Variants in ROBO1 observed in about 807,000 individuals in gnomAD.
The protein encoded by ROBO1 is roundabout homolog 1.
Under a neutral mutation model 195.9 loss-of-function variants are expected in ROBO1, and 149 were observed. The ratio of observed to expected loss-of-function variants is 0.76; its 90% confidence interval spans 0.67 to 0.87. The LOEUF is 0.87. ROBO1 is among the 40% of genes least tolerant of loss of function. The pLI is 0.00. For synonymous variants in ROBO1, 816 were observed against 733.2 expected, an observed-to-expected ratio of 1.11 and a Z score of -1.82; for missense variants, 1,933 against 2,068.3, an observed-to-expected ratio of 0.93 and a Z score of 1.27.
intron 3 of ROBO1, among the ~76,000 whole-genome samples, chr3:78,991,960 G>A (rs150486955): frequency 0.01 from 1,529 of 152,120 alleles, 11 homozygotes; most frequent in Non-Finnish European, 0.017. Context: ...AAAATGCTAT[G>A]AAAAATGAAT....
rs1240652670 is a variant in ROBO1, at chr3:78,597,865, T to TCAA, written c.*1045_*1047dup. On this transcript the variant is annotated 3_prime_UTR_variant, in exon 31 of 31. Coordinates refer to ENST00000464233, the MANE Select transcript of ROBO1 (RefSeq NM_002941.4). ...TAACAAAACAGGTTAAAAACGCTTCTCAACATTTTTTTTTTCAATAAGACA... is the reference window on the plus strand; with the variant it reads ...TAACAAAACAGGTTAAAAACGCTTCTCAACAACATTTTTTTTTTCAATAAGACA... The TCAA allele has an allele frequency of 1.1e-4, 16 of 147,346 alleles. No individual in the cohort carries two copies. The highest frequency in any genetic ancestry group is 3.8e-4 in the African/African-American group (15 of 39,380). The allele number at this position is 147,346 out of a possible 1,614,324, so 9.1% of individuals were successfully genotyped here.
intron 1 of ROBO1, among the ~76,000 whole-genome samples, chr3:79,608,134 A>G (rs1358810835): frequency 6.6e-6 from 1 of 151,992 alleles, no homozygotes; most frequent in Non-Finnish European, 1.5e-5. Context: ...TGTTACATGC[A>G]TGTGCTTACA....
At chr3:79,563,649 T>C (rs2107719114) in intron 2 of ROBO1, among the ~76,000 whole-genome samples, 1 of 152,196 alleles carries the variant, frequency 6.6e-6, no homozygotes, top group African/African-American at 2.4e-5. Flanking sequence ...AACCTAAAGA[T>C]CAGTGGTAGA....
At chr3:78,650,169 T>C (rs1706557392) in intron 19 of ROBO1, among the ~76,000 whole-genome samples, 1 of 152,076 alleles carries the variant, frequency 6.6e-6, no homozygotes, top group South Asian at 2.1e-4. Context: ...AAACCCCTTG[T>C]CTACAATTAT....
intron 2 of ROBO1, among the ~76,000 whole-genome samples, chr3:79,292,571 G>C (rs1328970920): frequency 1.3e-5 from 2 of 152,080 alleles, no homozygotes; most frequent in African/African-American, 4.8e-5. Flanking sequence ...AGTTTATTGA[G>C]GGTTTTTAGC....
At chr3:78,617,254 A>T (rs903039062) in intron 27 of ROBO1, among the ~76,000 whole-genome samples, 6 of 152,182 alleles carry the variant, frequency 3.9e-5, no homozygotes, top group South Asian at 2.1e-4. Flanking sequence ...GTTCTACACA[A>T]AAAATTAGAG....
intron 2 of ROBO1, among the ~76,000 whole-genome samples, chr3:79,276,410 T>G (rs184240236): frequency 6.6e-6 from 1 of 151,838 alleles, no homozygotes; most frequent in Non-Finnish European, 1.5e-5. Context: ...AAACTGAATA[T>G]CCATATGCAG....
chr3:79,518,488 C>A (rs1466444809), intron 2 of ROBO1, among the ~76,000 whole-genome samples: 1 of 152,006 alleles, frequency 6.6e-6, no homozygotes, highest in African/African-American at 2.4e-5. Flanking sequence ...CCTAAAAGGT[C>A]TAGTTTCTCA....
chr3:79,487,640 C>T (rs1055744906), intron 2 of ROBO1, among the ~76,000 whole-genome samples: 4 of 152,120 alleles, frequency 2.6e-5, no homozygotes, highest in African/African-American at 9.7e-5. Context: ...TGTTTAGGTT[C>T]TATGTTATTA....
intron 27 of ROBO1, among the ~76,000 whole-genome samples, chr3:78,617,333 G>A (rs1704167745): frequency 6.6e-6 from 1 of 152,100 alleles, no homozygotes; most frequent in Admixed American, 6.5e-5. Context: ...ATATCAATTT[G>A]TGTAATACGT....
chr3:78,704,857 C>A (rs2081512777), intron 8 of ROBO1, among the ~76,000 whole-genome samples: 1 of 151,990 alleles, frequency 6.6e-6, no homozygotes, highest in Non-Finnish European at 1.5e-5. Context: ...AACAGTCATA[C>A]ATTCACACAG....
intron 2 of ROBO1, among the ~76,000 whole-genome samples, chr3:79,465,080 C>T (rs1937884392): frequency 6.6e-6 from 1 of 152,148 alleles, no homozygotes; most frequent in South Asian, 2.1e-4. Flanking sequence ...TTCTTAATAA[C>T]AGATACATAG....
intron 26 of ROBO1, among the ~76,000 whole-genome samples, chr3:78,623,906 G>C (rs1024201440): frequency 6.6e-6 from 1 of 152,124 alleles, no homozygotes; most frequent in Non-Finnish European, 1.5e-5. Flanking sequence ...AGAATGATAA[G>C]AATCAGAAGT....
chr3:78,935,054 C>T (rs1242707309), intron 4 of ROBO1, among the ~76,000 whole-genome samples: 1 of 151,916 alleles, frequency 6.6e-6, no homozygotes, highest in Non-Finnish European at 1.5e-5. Context: ...GCATAAGTTA[C>T]TAATAATAAC....
chr3:78,654,797 A>G (rs557422848), intron 18 of ROBO1, among the ~76,000 whole-genome samples: 52 of 152,208 alleles, frequency 3.4e-4, no homozygotes, highest in Non-Finnish European at 6.5e-4. Flanking sequence ...AAAATTATAC[A>G]TAGTCATTTT....
chr3:79,767,975 C>A lies in ROBO1; in HGVS notation c.-274G>T, dbSNP rs966237518. Among the ~76,000 whole-genome samples, 1 of 152,136 alleles carries A rather than the reference C, an allele frequency of 6.6e-6. No individual in the cohort carries two copies. Among genetic ancestry groups the A allele is most frequent in the Non-Finnish European group, 1.5e-5 (1 of 68,022 alleles). ...CTTCAGTAGAGAATTCTTTCAAACC[C>A]GTTATCTGTATTACTATTAATGCGC... On this transcript the variant is annotated 5_prime_UTR_variant, in exon 1 of 31. Transcript: ENST00000464233.
At chr3:79,094,921 C>G (rs1244393574) in intron 3 of ROBO1, among the ~76,000 whole-genome samples, 2 of 145,146 alleles carry the variant, frequency 1.4e-5, no homozygotes, top group Admixed American at 1.4e-4. Context: ...TCCCCTCCCT[C>G]CCTCTCTCCC....
Position 79,179,302 on chromosome 3 carries a change from T to C in ROBO1, c.89-53763A>G, listed in dbSNP as rs142386847. Among the ~76,000 whole-genome samples the C allele has an allele frequency of 7.9e-5, 12 of 152,318 alleles. No homozygotes were observed. The East Asian group carries it at 2.3e-3, about 29-fold the overall frequency. On this transcript the variant is annotated intron_variant, in intron 2 of 30. Transcript: ENST00000464233. ...TTTAAAAATAAAAGGAATTCCTTAATTAAAAAATCTGAATTATAAATATTT... is the reference window on the plus strand; with the variant it reads ...TTTAAAAATAAAAGGAATTCCTTAACTAAAAAATCTGAATTATAAATATTT...
chr3:79,421,044 A>C (rs1421018942), intron 2 of ROBO1, among the ~76,000 whole-genome samples: 1 of 152,146 alleles, frequency 6.6e-6, no homozygotes, highest in African/African-American at 2.4e-5. Context: ...TGTAGCCATA[A>C]AAAAGAAATA....
Sources: gnomAD v4.1 joint callset for allele counts (sites outside exome capture counted in the v4.1 genomes callset) on GRCh38, gnomAD v4.1.1 for gene constraint, MANE v1.5 for transcripts, NCBI Gene and HGNC (gene_info 2026-07-23, HGNC 2026-07-21) for gene names.